The following STAM variants were observed in gnomAD, a reference collection of about 807,000 sequenced individuals.
STAM encodes the protein signal transducing adaptor molecule.
A neutral mutation model predicts 63.4 loss-of-function variants in STAM; 16 were observed. The observed-to-expected ratio is 0.25, with a 90% confidence interval of 0.17 to 0.38. The LOEUF is 0.38. STAM is among the 10% of genes least tolerant of loss of function. The probability of loss-of-function intolerance (pLI) is 1.00; values close to 1 mark genes in which losing one functional copy is unlikely to be tolerated. For missense variants in STAM, 636 were observed against 657.1 expected, an observed-to-expected ratio of 0.97 and a Z score of 0.35; for synonymous variants, 238 against 223.9, an observed-to-expected ratio of 1.06 and a Z score of -0.56.
At chr10:17,677,762 C>T (rs1834913954) in intron 2 of STAM, among the ~76,000 whole-genome samples, 1 of 152,308 alleles carries the variant, frequency 6.6e-6, no homozygotes, top group African/African-American at 2.4e-5. Flanking sequence ...TTTCTCCCTT[C>T]ACCATGCTCT....
intron 13 of STAM, 44 bp downstream of exon 13, chr10:17,708,995 G>A: frequency 6.3e-7 from 1 of 1,585,646 alleles, no homozygotes; most frequent in South Asian, 1.1e-5. Context: ...TGCTGTTACA[G>A]CTGTTTAAGT....
intron 3 of STAM, 26 bp downstream of exon 3, chr10:17,684,776 C>T: frequency 6.2e-7 from 1 of 1,613,396 alleles, no homozygotes. Flanking sequence ...TTAATCTGTA[C>T]CACGAAATTA....
At chr10:17,659,463 CTTTTTT>C (rs1223509007) in intron 1 of STAM, among the ~76,000 whole-genome samples, 1 of 107,522 alleles carries the variant, frequency 9.3e-6, no homozygotes, top group Admixed American at 1.2e-4. Context: ...TTCTCTTCCT[CTTTTTT>C]TTTTTTTTTT....
intron 13 of STAM, among the ~76,000 whole-genome samples, chr10:17,711,859 T>C (rs1836570815): frequency 1.3e-5 from 2 of 152,192 alleles, no homozygotes. Flanking sequence ...GGCAGTAGCG[T>C]AGATGGATTC....
At chr10:17,691,654 G>A (rs1477111082) in intron 5 of STAM, among the ~76,000 whole-genome samples, 3 of 152,262 alleles carry the variant, frequency 2.0e-5, no homozygotes, top group Admixed American at 6.5e-5. Context: ...TTGATTGCTT[G>A]TAATATTTAG....
intron 1 of STAM, among the ~76,000 whole-genome samples, chr10:17,656,504 T>C (rs1392487274): frequency 4.6e-5 from 7 of 152,136 alleles, no homozygotes; most frequent in African/African-American, 1.7e-4. Context: ...CTTTAGGTCT[T>C]TCCTCTTGGG....
intron 10 of STAM, 26 bp from the exon 11 acceptor site, chr10:17,704,944 T>C (rs781900253): frequency 6.9e-6 from 11 of 1,600,048 alleles, no homozygotes; most frequent in Admixed American, 6.7e-5. Context: ...TACTTTCTTA[T>C]ATTTCTTCAC....
At chr10:17,664,152 A>G (rs1834284423) in intron 2 of STAM, among the ~76,000 whole-genome samples, 2 of 152,112 alleles carry the variant, frequency 1.3e-5, no homozygotes. Flanking sequence ...ATAAGCGTTT[A>G]CAGAATTGGG....
chr10:17,673,165 T>A, intron 2 of STAM: 1 of 378,906 alleles, frequency 2.6e-6, no homozygotes, highest in Non-Finnish European at 3.6e-6. Context: ...ATTTTGTGTT[T>A]ATTGCCACCC....
At chr10:17,709,356 C>G (rs1470220982) in intron 13 of STAM, among the ~76,000 whole-genome samples, 2 of 147,960 alleles carry the variant, frequency 1.4e-5, no homozygotes, top group Non-Finnish European at 3.1e-5. Context: ...TGAGCTGTCT[C>G]TTTAAGACAA....
chr10:17,650,593 G>C (rs1249074600), intron 1 of STAM, among the ~76,000 whole-genome samples: 1 of 152,152 alleles, frequency 6.6e-6, no homozygotes, highest in Non-Finnish European at 1.5e-5. Flanking sequence ...CCCTGTGCCA[G>C]ATACCCTGGT....
intron 1 of STAM, among the ~76,000 whole-genome samples, chr10:17,651,571 G>C (rs1258971103): frequency 1.3e-5 from 2 of 152,044 alleles, no homozygotes; most frequent in Admixed American, 1.3e-4. Context: ...CCTCTAAGCT[G>C]TTTTTTCTAA....
chr10:17,646,017 C>T (rs1381741019), intron 1 of STAM, among the ~76,000 whole-genome samples: 1 of 152,180 alleles, frequency 6.6e-6, no homozygotes, highest in Non-Finnish European at 1.5e-5. Context: ...AATGTCAAAC[C>T]CGTTCCTAGT....
intron 9 of STAM, among the ~76,000 whole-genome samples, chr10:17,700,545 G>A (rs1835947209): frequency 6.6e-6 from 1 of 151,274 alleles, no homozygotes; most frequent in East Asian, 1.9e-4. Context: ...ATCTATTGTT[G>A]AATGCCTAGG....
intron 2 of STAM, among the ~76,000 whole-genome samples, chr10:17,673,416 T>C (rs1241578705): frequency 6.6e-6 from 1 of 152,182 alleles, no homozygotes; most frequent in Non-Finnish European, 1.5e-5. Flanking sequence ...CTCAGTGACT[T>C]TTTTTTGAGC....
At position 17,696,641 on chromosome 10, in the gene STAM, A is replaced by G; in HGVS notation, c.729-134A>G. 4 of 585,796 alleles carry G rather than the reference A, an allele frequency of 6.8e-6. No homozygotes were observed. In the East Asian group the frequency reaches 8.5e-5, roughly 12 times the overall value. 36.3% of individuals were successfully genotyped at this position (585,796 alleles called of 1,614,324 possible). A position where few individuals can be genotyped will look rare whatever the true frequency, so the allele number is the denominator to read the frequency against. On this transcript the variant is annotated intron_variant, in intron 7 of 13. Transcript: ENST00000377524. ...TCTTCTTCTTTTGTAATAAAGGAAG[A>G]TTCATTGGCTTTTTCAGTGGGTTAT...
In STAM at chr10:17,688,193, G is replaced by C. The variant is rs782221072; in HGVS notation, c.444+20G>C. The C allele has an allele frequency of 1.4e-4, 215 of 1,513,318 alleles. No individual in the cohort carries two copies. The highest frequency in any genetic ancestry group is 1.8e-4 in the Non-Finnish European group (200 of 1,128,748). 93.7% of individuals were successfully genotyped at this position (1,513,318 alleles called of 1,614,324 possible). A position where few individuals can be genotyped will look rare whatever the true frequency, so the allele number is the denominator to read the frequency against. ...TCTCAGGTATTTTGGGAATGAAGTTGTGTGTGTGCTACAGTTTGTTTCTCT... is the reference window on the plus strand; with the variant it reads ...TCTCAGGTATTTTGGGAATGAAGTTCTGTGTGTGCTACAGTTTGTTTCTCT... On this transcript the variant is annotated intron_variant, in intron 5 of 13. Coordinates refer to ENST00000377524, the MANE Select transcript of STAM (RefSeq NM_003473.4).
chr10:17,670,390 A>G (rs1834587562), intron 2 of STAM, among the ~76,000 whole-genome samples: 3 of 152,208 alleles, frequency 2.0e-5, no homozygotes, highest in Admixed American at 6.5e-5. Flanking sequence ...AGGCAAAATT[A>G]GAAGTCAGAT....
intron 12 of STAM, among the ~76,000 whole-genome samples, chr10:17,707,755 A>G (rs1324587513): frequency 6.6e-6 from 1 of 152,186 alleles, no homozygotes; most frequent in Non-Finnish European, 1.5e-5. Context: ...GGAAGGATCT[A>G]ATGAATACTG....
Sources: gnomAD v4.1 joint callset for allele counts (sites outside exome capture counted in the v4.1 genomes callset) on GRCh38, gnomAD v4.1.1 for gene constraint, MANE v1.5 for transcripts, NCBI Gene and HGNC (gene_info 2026-07-23, HGNC 2026-07-21) for gene names.